Variants in LRP1B observed in about 807,000 individuals in gnomAD.
The protein encoded by LRP1B is low-density lipoprotein receptor-related protein 1B.
In LRP1B, 217 loss-of-function variants were observed where a neutral mutation model predicts 556.6. The observed-to-expected ratio is 0.39, with a 90% CI of 0.35 to 0.44. The LOEUF is 0.44. LRP1B is among the 20% of genes least tolerant of loss of function. The pLI is 1.00. For synonymous variants in LRP1B, 2,047 were observed against 1,865.8 expected (o/e 1.10, Z -2.50); for missense variants, 5,053 against 5,620.8 (o/e 0.90, Z 3.23).
At chr2:141,619,092 T>A (rs573723413) in intron 2 of LRP1B, among the ~76,000 whole-genome samples, 2 of 152,300 alleles carry the variant, frequency 1.3e-5, no homozygotes, top group Admixed American at 6.5e-5. Flanking sequence ...GAGTTAGTGC[T>A]TCCTATCCTG....
chr2:141,081,621 C>T (rs923524051), intron 7 of LRP1B, among the ~76,000 whole-genome samples: 3 of 152,098 alleles, frequency 2.0e-5, no homozygotes, highest in African/African-American at 7.2e-5. Context: ...AGATTGATTC[C>T]TACGGTGGGT....
chr2:141,133,384 T>G (rs1701411052), intron 7 of LRP1B, among the ~76,000 whole-genome samples: 1 of 151,704 alleles, frequency 6.6e-6, no homozygotes, highest in Admixed American at 6.6e-5. Context: ...TAAGGGAATA[T>G]TCTAATAATA....
intron 20 of LRP1B, among the ~76,000 whole-genome samples, chr2:140,933,226 C>G (rs1363585674): frequency 6.6e-6 from 1 of 151,948 alleles, no homozygotes; most frequent in East Asian, 1.9e-4. Context: ...TCAGTTGAAG[C>G]TTCATATAAA....
At chr2:140,436,374 A>AT (rs1227127828) in intron 66 of LRP1B, among the ~76,000 whole-genome samples, 1 of 152,160 alleles carries the variant, frequency 6.6e-6, no homozygotes, top group African/African-American at 2.4e-5. Flanking sequence ...CGAGCTATGT[A>AT]TTTTTTTAAA....
chr2:141,636,068 C>T (rs533079743), intron 2 of LRP1B, among the ~76,000 whole-genome samples: 4 of 151,950 alleles, frequency 2.6e-5, no homozygotes, highest in East Asian at 3.9e-4. Context: ...ATATTAAGTG[C>T]CTATTTATTG....
intron 2 of LRP1B, among the ~76,000 whole-genome samples, chr2:141,642,056 C>T (rs1057057034): frequency 1.3e-5 from 2 of 152,020 alleles, no homozygotes; most frequent in African/African-American, 4.8e-5. Context: ...CCAGAATTTC[C>T]GCTCTGCCAT....
chr2:141,496,111 A>C (rs1559104889), intron 2 of LRP1B, among the ~76,000 whole-genome samples: 1 of 152,060 alleles, frequency 6.6e-6, no homozygotes, highest in Non-Finnish European at 1.5e-5. Flanking sequence ...TTGATATTTT[A>C]TGCTGGAGTT....
At chr2:140,613,585 G>A (rs1193146736) in intron 41 of LRP1B, among the ~76,000 whole-genome samples, 1 of 150,962 alleles carries the variant, frequency 6.6e-6, no homozygotes, top group Non-Finnish European at 1.5e-5. Context: ...AACTCTAGCC[G>A]GTTTCCTTGG....
At chr2:142,029,264 A>G (rs950814530) in intron 1 of LRP1B, among the ~76,000 whole-genome samples, 1 of 151,938 alleles carries the variant, frequency 6.6e-6, no homozygotes, top group African/African-American at 2.4e-5. Flanking sequence ...ACAATGAGAT[A>G]TCACTGCCCA....
intron 18 of LRP1B, 30 bp downstream of exon 18, chr2:140,982,130 T>C (rs757751548): frequency 3.3e-6 from 5 of 1,535,536 alleles, no homozygotes; most frequent in Non-Finnish European, 4.5e-6. Flanking sequence ...ACACAATCTG[T>C]AATAATAACA....
chr2:141,222,110 C>T (rs543844641), intron 6 of LRP1B, among the ~76,000 whole-genome samples: 16 of 151,110 alleles, frequency 1.1e-4, no homozygotes, highest in African/African-American at 3.9e-4. Flanking sequence ...ACATGAAAAA[C>T]CCTTGGGGGC....
intron 51 of LRP1B, among the ~76,000 whole-genome samples, chr2:140,510,452 A>G (rs1689603398): frequency 6.6e-6 from 1 of 152,242 alleles, no homozygotes; most frequent in Non-Finnish European, 1.5e-5. Context: ...CACTTAACAT[A>G]TTAACTCATT....
At chr2:140,234,098 C>T (rs1558914699) in intron 90 of LRP1B, among the ~76,000 whole-genome samples, 1 of 151,262 alleles carries the variant, frequency 6.6e-6, no homozygotes, top group Admixed American at 6.6e-5. Context: ...AAAAACAGTA[C>T]ATTAAATCTT....
At chr2:141,622,531 G>T (rs6429915) in intron 2 of LRP1B, among the ~76,000 whole-genome samples, 2 of 152,004 alleles carry the variant, frequency 1.3e-5, no homozygotes, top group African/African-American at 2.4e-5. Flanking sequence ...ACTGCCCTTT[G>T]AACCTCAACT....
intron 14 of LRP1B, among the ~76,000 whole-genome samples, chr2:141,006,425 T>C (rs1697577243): frequency 6.6e-6 from 1 of 151,968 alleles, no homozygotes; most frequent in Non-Finnish European, 1.5e-5. Context: ...ATTGTAAAGG[T>C]GTCGGTATGA....
At chr2:140,760,545 C>A (rs1688883431) in intron 35 of LRP1B, among the ~76,000 whole-genome samples, 2 of 152,176 alleles carry the variant, frequency 1.3e-5, no homozygotes, top group African/African-American at 4.8e-5. Flanking sequence ...ATATTTCTGG[C>A]CCTTGGCCTT....
intron 2 of LRP1B, among the ~76,000 whole-genome samples, chr2:141,748,161 C>A (rs10496893): frequency 0.18 from 28,043 of 152,092 alleles, 2,748 homozygotes; most frequent in South Asian, 0.25. Context: ...TAACTAGCAA[C>A]TTATTGCCAA....
chr2:141,998,306 AAG>A (rs1428856830), intron 1 of LRP1B, among the ~76,000 whole-genome samples: 5 of 152,320 alleles, frequency 3.3e-5, no homozygotes, highest in African/African-American at 1.2e-4. Flanking sequence ...CTTTGAAAAA[AAG>A]AGAAAAAACA....
rs73963542 is a variant in LRP1B, at chr2:141,714,746, A to G, written c.205+95533T>C. Reference sequence around the variant, plus strand: ...CTTAAGACAACTTTCAGACAGGCCAAGTAGGACAGGGTCCAAATCATCTAG... The same window carrying G: ...CTTAAGACAACTTTCAGACAGGCCAGGTAGGACAGGGTCCAAATCATCTAG... On this transcript the variant is annotated intron_variant, in intron 2 of 90. Transcript: ENST00000389484. 7.4e-3 allele frequency among the ~76,000 whole-genome samples: 1,130 copies of G among 152,276 alleles called. 23 individuals are homozygous for G. The highest frequency in any genetic ancestry group is 0.026 in the African/African-American group (1,082 of 41,558).
Sources: allele counts gnomAD v4.1 joint callset (sites outside exome capture counted in the v4.1 genomes callset), GRCh38; gene constraint gnomAD v4.1.1; transcripts MANE v1.5; gene names NCBI Gene and HGNC (gene_info 2026-07-23, HGNC 2026-07-21).